The following LAMB1 variants were observed in gnomAD, a reference collection of about 807,000 sequenced individuals.
The protein encoded by LAMB1 is laminin subunit beta 1.
In LAMB1, 121 loss-of-function variants were observed where a neutral mutation model predicts 222.3. The observed-to-expected ratio is 0.54, with a 90% CI of 0.47 to 0.63. The LOEUF (loss-of-function observed/expected upper bound fraction) is 0.63. Among genes scored for constraint, LAMB1 ranks in the 30% least tolerant of loss-of-function variants. The pLI, the probability that LAMB1 is intolerant of heterozygous loss-of-function variation, is 0.00. For synonymous variants in LAMB1, 794 were observed against 807.2 expected (o/e 0.98, Z 0.28); for missense variants, 2,172 against 2,240.8 (o/e 0.97, Z 0.62).
intron 20 of LAMB1, among the ~76,000 whole-genome samples, chr7:107,955,986 C>T (rs760152382): frequency 6.6e-6 from 1 of 152,222 alleles, no homozygotes; most frequent in African/African-American, 2.4e-5. Flanking sequence ...CAACCTCCAC[C>T]TCCTGGTTCA....
intron 2 of LAMB1, chr7:108,002,109 C>T: frequency 6.8e-7 from 1 of 1,477,802 alleles, no homozygotes; most frequent in Non-Finnish European, 9.0e-7. Context: ...GGAGGCTGAC[C>T]CCCAAAGGGC....
At chr7:107,970,499 A>AT (rs1478271242) in intron 13 of LAMB1, among the ~76,000 whole-genome samples, 1 of 130,770 alleles carries the variant, frequency 7.6e-6, no homozygotes, top group African/African-American at 3.0e-5. Context: ...AAAAAAAAAA[A>AT]AAAAAAGGGG....
chr7:107,975,463 ATC>A, intron 10 of LAMB1, 50 bp from the exon 11 acceptor site: 1 of 1,506,328 alleles, frequency 6.6e-7, no homozygotes, highest in Non-Finnish European at 9.0e-7. Flanking sequence ...AACTCAATGT[ATC>A]TTTGTATAAA....
intron 5 of LAMB1, among the ~76,000 whole-genome samples, chr7:107,989,147 C>A (rs572403568): frequency 6.6e-6 from 1 of 152,244 alleles, no homozygotes; most frequent in East Asian, 1.9e-4. Flanking sequence ...GAAACCAAGG[C>A]AGGAGGGAGA....
rs200180820 is a variant in LAMB1 at position 107,978,057 on chromosome 7, G to A, written c.990C>T (p.Asn330=). ...PWRPAEGRNS[N]ACKKCNCNEH... ...TCAACACAGACTTACTTTTACAGGC[G>A]TTGCTGTTTCGGCCTTCAGCAGGTC... Residue 330 remains asparagine, a synonymous_variant, in exon 9 of 34, where the codon AAC becomes AAT. Transcript: ENST00000222399. 91 of 1,614,132 alleles carry A rather than the reference G, an allele frequency of 5.6e-5. No homozygotes were observed. The highest frequency in any genetic ancestry group is 1.4e-4 in the South Asian group (13 of 91,080).
intron 7 of LAMB1, among the ~76,000 whole-genome samples, chr7:107,985,422 G>A (rs542846832): frequency 3.1e-4 from 46 of 150,246 alleles, no homozygotes; most frequent in Non-Finnish European, 5.5e-4. Flanking sequence ...TCAGGAGTTC[G>A]AGACCCAGCC....
At chr7:107,971,968 AT>A (rs1411471331) in intron 13 of LAMB1, among the ~76,000 whole-genome samples, 2 of 152,224 alleles carry the variant, frequency 1.3e-5, no homozygotes, top group African/African-American at 2.4e-5. Flanking sequence ...AGGATTCAAC[AT>A]GTGTTCTGGG....
At chr7:107,986,453 T>C in intron 5 of LAMB1, 90 bp from the exon 6 acceptor site, 1 of 1,055,944 alleles carries the variant, frequency 9.5e-7, no homozygotes, top group Non-Finnish European at 1.4e-6. Context: ...CTCAACTGCA[T>C]GCCACAAACT....
chr7:107,974,868 T>C (rs2033819612), intron 12 of LAMB1, 118 bp downstream of exon 12: 1 of 652,862 alleles, frequency 1.5e-6, no homozygotes, highest in African/African-American at 1.8e-5. Flanking sequence ...TGTCTACTCA[T>C]GTCTTTTAAC....
At chr7:107,977,088 C>T (rs1440535939) in intron 9 of LAMB1, among the ~76,000 whole-genome samples, 2 of 151,258 alleles carry the variant, frequency 1.3e-5, no homozygotes, top group East Asian at 3.9e-4. Context: ...TCTCTCCTTC[C>T]TTCCTTTCCT....
In LAMB1 at chr7:107,932,334, C is replaced by T; in HGVS notation, c.4232G>A (p.Cys1411Tyr). ...GTCAGTTCTGCAGTTTGGCCCGCCA[C>T]ATTCAGTCTCGGAACAGGAGGCCCC... Reference protein sequence around the residue: ...PPGASCSETECGGPNCRTDEG... With the variant: ...PPGASCSETEYGGPNCRTDEG... The change falls in exon 28 of 34, where the codon TGT (cysteine) becomes TAT (tyrosine). Residue 1411 changes from cysteine (C) to tyrosine (Y), a missense_variant. Coordinates refer to ENST00000222399, the MANE Select transcript of LAMB1 (RefSeq NM_002291.3). 1 of 1,614,226 alleles carries T rather than the reference C, an allele frequency of 6.2e-7. No homozygotes were observed. Among genetic ancestry groups the T allele is most frequent in the Non-Finnish European group, 8.5e-7 (1 of 1,180,044 alleles).
intron 29 of LAMB1, among the ~76,000 whole-genome samples, chr7:107,931,125 T>TTTGA (rs1438139212): frequency 6.6e-6 from 1 of 152,236 alleles, no homozygotes; most frequent in Non-Finnish European, 1.5e-5. Context: ...ATATTTGACT[T>TTTGA]TTGATTGGCT....
intron 12 of LAMB1, among the ~76,000 whole-genome samples, chr7:107,973,805 C>A (rs1474922937): frequency 6.6e-6 from 1 of 152,036 alleles, no homozygotes; most frequent in African/African-American, 2.4e-5. Context: ...GCCACCACAC[C>A]CAGCTAATTT....
chr7:107,956,062 A>G (rs758775919), intron 20 of LAMB1, among the ~76,000 whole-genome samples: 1 of 152,148 alleles, frequency 6.6e-6, no homozygotes, highest in African/African-American at 2.4e-5. Context: ...ATGCCCGGCT[A>G]ATTTTTGTAT....
chr7:107,947,772 C>G (rs2033148677), intron 24 of LAMB1, among the ~76,000 whole-genome samples: 1 of 152,156 alleles, frequency 6.6e-6, no homozygotes, highest in African/African-American at 2.4e-5. Context: ...GACAGACTGC[C>G]TTAAGCACTG....
At chr7:107,959,134 T>C (rs748090733) in intron 20 of LAMB1, 115 bp downstream of exon 20, 5 of 799,822 alleles carry the variant, frequency 6.3e-6, no homozygotes, top group East Asian at 2.4e-5. Context: ...AGTGAGGTGG[T>C]CAGAAATGAA....
In LAMB1 at chr7:107,986,768, G is replaced by T. The variant is rs576173053; in HGVS notation, c.424-405C>A. Among the ~76,000 whole-genome samples, 5 of 152,318 alleles carry T rather than the reference G, an allele frequency of 3.3e-5. No individual in the cohort carries two copies. In the East Asian group the frequency reaches 9.6e-4, roughly 29 times the overall value. Reference sequence around the variant, plus strand: ...ATGACTACCTCCTTAGTATCAGCCAGTGGACTATATGTTGTATATGTTATA... The same window carrying T: ...ATGACTACCTCCTTAGTATCAGCCATTGGACTATATGTTGTATATGTTATA... On this transcript the variant is annotated intron_variant, in intron 5 of 33. Coordinates refer to ENST00000222399, the MANE Select transcript of LAMB1 (RefSeq NM_002291.3).
In LAMB1 at chr7:107,929,075, G is replaced by A. The variant is rs201501915; in HGVS notation, c.4876C>T (p.Leu1626=). The part of the protein sequence containing the change: ...ADEDIQGTQN[L]LTSIESETAA... ...TTGTGTATGCCTACCGAAGTTAACA[G>A]GTTCTGGGTTCCTTGAATGTCTTCA... Residue 1626 remains leucine, a synonymous_variant, in exon 31 of 34, where the codon CTG becomes TTG. Transcript: ENST00000222399. 346 of 1,613,780 alleles carry A rather than the reference G, an allele frequency of 2.1e-4. No homozygotes were observed. The highest frequency in any genetic ancestry group is 2.8e-4 in the Non-Finnish European group (331 of 1,179,936).
rs372132923 is a variant in LAMB1 at position 107,966,598 on chromosome 7, A to G, written c.1563-1911T>C. On this transcript the variant is annotated intron_variant, in intron 13 of 33. Transcript: ENST00000222399. The stretch of plus-strand genomic sequence containing the variant: ...ACCTAGCCTTCTTTTGGCACAGTCC[A>G]TGAACAAAAGCTATTTTCAGAAATT... Among the ~76,000 whole-genome samples the G allele has an allele frequency of 1.6e-3, 243 of 152,364 alleles. 2 individuals are homozygous for G. The highest frequency in any genetic ancestry group is 5.2e-3 in the African/African-American group (218 of 41,588).
Sources: gnomAD v4.1 joint callset for allele counts (sites outside exome capture counted in the v4.1 genomes callset) on GRCh38, gnomAD v4.1.1 for gene constraint, MANE v1.5 for transcripts, NCBI Gene and HGNC (gene_info 2026-07-23, HGNC 2026-07-21) for gene names.